The following MDGA2 variants were observed in gnomAD, a reference collection of about 807,000 sequenced individuals.
MDGA2 encodes the protein MAM domain containing glycosylphosphatidylinositol anchor 2.
Under a neutral mutation model 117.8 loss-of-function variants are expected in MDGA2, and 40 were observed. That is an observed-to-expected ratio of 0.34 (90% CI 0.26 to 0.44). MDGA2 has a LOEUF of 0.44. Among genes scored for constraint, MDGA2 ranks in the 20% least tolerant of loss-of-function variants. The pLI is 1.00. For synonymous variants in MDGA2, 452 were observed against 439.0 expected (o/e 1.03, Z -0.37); for missense variants, 1,123 against 1,250.6 (o/e 0.90, Z 1.54).
chr14:47,399,918 G>T (rs1051611285), intron 1 of MDGA2, among the ~76,000 whole-genome samples: 13 of 152,128 alleles, frequency 8.5e-5, no homozygotes, highest in African/African-American at 3.1e-4. Context: ...TACACTTGGA[G>T]TGTGGCACTG....
intron 1 of MDGA2, among the ~76,000 whole-genome samples, chr14:47,380,920 T>C (rs1891606373): frequency 6.6e-6 from 1 of 152,086 alleles, no homozygotes; most frequent in Admixed American, 6.6e-5. Flanking sequence ...AAGAGAATTT[T>C]AGACCAATAT....
intron 1 of MDGA2, among the ~76,000 whole-genome samples, chr14:47,513,593 G>T (rs903046095): frequency 2.0e-5 from 3 of 151,746 alleles, no homozygotes; most frequent in South Asian, 4.2e-4. Context: ...AAAATGAATG[G>T]GTAAATAAGC....
intron 1 of MDGA2, among the ~76,000 whole-genome samples, chr14:47,671,871 T>C (rs1898081994): frequency 6.6e-6 from 1 of 152,196 alleles, no homozygotes; most frequent in Non-Finnish European, 1.5e-5. Flanking sequence ...TCCTTATAAA[T>C]GCTTCCACAA....
At chr14:47,086,611 G>T (rs1411039114) in intron 6 of MDGA2, among the ~76,000 whole-genome samples, 1 of 47,638 alleles carries the variant, frequency 2.1e-5, no homozygotes, top group Admixed American at 1.8e-4. Context: ...GTTAAACATA[G>T]ATTTTTTTTT....
chr14:47,249,393 C>G (rs1260060395), intron 2 of MDGA2, among the ~76,000 whole-genome samples: 1 of 152,102 alleles, frequency 6.6e-6, no homozygotes, highest in Non-Finnish European at 1.5e-5. Flanking sequence ...ACAATCACAA[C>G]TCACTGCAGC....
chr14:46,873,658 G>T (rs1412808053), intron 13 of MDGA2, 67 bp from the exon 14 acceptor site: 3 of 1,403,656 alleles, frequency 2.1e-6, no homozygotes, highest in East Asian at 2.3e-5. Context: ...TCAAATCACT[G>T]AGAAGTCTTA....
intron 1 of MDGA2, among the ~76,000 whole-genome samples, chr14:47,614,047 ATGT>A (rs1896902256): frequency 1.3e-5 from 2 of 150,132 alleles, no homozygotes; most frequent in Non-Finnish European, 3.0e-5. Context: ...CCCATAAAAA[ATGT>A]TGTTTAAATT....
At chr14:47,635,819 T>C (rs1018225563) in intron 1 of MDGA2, among the ~76,000 whole-genome samples, 1 of 144,768 alleles carries the variant, frequency 6.9e-6, no homozygotes, top group African/African-American at 2.5e-5. Flanking sequence ...TGCCTTGTTA[T>C]CTTCCAGTGA....
chr14:47,417,261 A>C (rs1892493933), intron 1 of MDGA2, among the ~76,000 whole-genome samples: 1 of 152,096 alleles, frequency 6.6e-6, no homozygotes, highest in Non-Finnish European at 1.5e-5. Context: ...CAAACCACAC[A>C]CTCAACATTT....
At chr14:47,636,552 G>A (rs1009811058) in intron 1 of MDGA2, among the ~76,000 whole-genome samples, 4 of 152,218 alleles carry the variant, frequency 2.6e-5, no homozygotes, top group African/African-American at 9.6e-5. Flanking sequence ...GGAAGGCCAA[G>A]GTGGGCAGAT....
intron 1 of MDGA2, among the ~76,000 whole-genome samples, chr14:47,434,343 T>A (rs1892856485): frequency 6.6e-6 from 1 of 152,152 alleles, no homozygotes; most frequent in Non-Finnish European, 1.5e-5. Flanking sequence ...AATAGTAATG[T>A]TACCTTTAAT....
At chr14:46,885,414 TAAC>T (rs1208837820) in intron 10 of MDGA2, among the ~76,000 whole-genome samples, 2 of 151,968 alleles carry the variant, frequency 1.3e-5, no homozygotes, top group African/African-American at 2.4e-5. Context: ...TTGAGCCAAA[TAAC>T]AACAAGTAAT....
intron 1 of MDGA2, among the ~76,000 whole-genome samples, chr14:47,557,886 T>C (rs11157563): frequency 2.0e-5 from 3 of 152,026 alleles, no homozygotes; most frequent in Non-Finnish European, 4.4e-5. Context: ...CCTCTCCACA[T>C]TGTTATATAA....
At chr14:47,640,056 G>A (rs1439923308) in intron 1 of MDGA2, among the ~76,000 whole-genome samples, 1 of 152,144 alleles carries the variant, frequency 6.6e-6, no homozygotes, top group East Asian at 1.9e-4. Context: ...TTTGTTTCCA[G>A]AACTATAGCA....
At chr14:47,087,700 C>G (rs1890955365) in intron 6 of MDGA2, among the ~76,000 whole-genome samples, 1 of 150,396 alleles carries the variant, frequency 6.6e-6, no homozygotes, top group African/African-American at 2.4e-5. Context: ...GCCAGTGAAT[C>G]TGGGAATTAA....
intron 1 of MDGA2, among the ~76,000 whole-genome samples, chr14:47,567,438 T>G (rs773246490): frequency 3.3e-5 from 5 of 152,228 alleles, no homozygotes; most frequent in Non-Finnish European, 7.3e-5. Flanking sequence ...TAGCAACCAT[T>G]CAACATTTGC....
At chr14:47,189,691 T>C (rs1250062403) in intron 3 of MDGA2, among the ~76,000 whole-genome samples, 3 of 152,150 alleles carry the variant, frequency 2.0e-5, no homozygotes, top group African/African-American at 7.2e-5. Flanking sequence ...GTTTCCTAAA[T>C]CATAAAAACA....
chr14:47,230,485 T>G (rs976917387), intron 2 of MDGA2, among the ~76,000 whole-genome samples: 1 of 151,980 alleles, frequency 6.6e-6, no homozygotes, highest in Admixed American at 6.6e-5. Context: ...TTAAGGAATA[T>G]TATAGAGTGA....
At chr14:47,167,305 C>T (rs1036130530) in intron 3 of MDGA2, among the ~76,000 whole-genome samples, 2 of 152,070 alleles carry the variant, frequency 1.3e-5, no homozygotes, top group Non-Finnish European at 2.9e-5. Context: ...TAAGTAATCA[C>T]CAAGATCTTT....
Sources: allele counts gnomAD v4.1 joint callset (sites outside exome capture counted in the v4.1 genomes callset), GRCh38; gene constraint gnomAD v4.1.1; transcripts MANE v1.5; gene names NCBI Gene and HGNC (gene_info 2026-07-23, HGNC 2026-07-21).